Variants in CLEC4D observed in about 807,000 individuals in gnomAD.
CLEC4D encodes C-type lectin domain family 4 member D, also known as C-type (calcium dependent, carbohydrate-recognition domain) lectin, superfamily member 8.
Under a neutral mutation model 21.1 loss-of-function variants are expected in CLEC4D, and 21 were observed. The observed-to-expected ratio is 1.00, with a 90% CI of 0.71 to 1.43. CLEC4D has a LOEUF of 1.43. Ranked by LOEUF, CLEC4D falls within the 40% of genes most tolerant of loss-of-function variation. CLEC4D has a pLI of 0.00. For missense variants in CLEC4D, 289 were observed against 260.7 expected, an observed-to-expected ratio of 1.11 and a Z score of -0.75; for synonymous variants, 85 against 83.1, an observed-to-expected ratio of 1.02 and a Z score of -0.12.
At chr12:8,518,405 A>G (rs1180015009) in intron 3 of CLEC4D, 131 bp downstream of exon 3, 1 of 571,830 alleles carries the variant, frequency 1.7e-6, no homozygotes, top group East Asian at 2.9e-5. Context: ...ATCGGAGTAA[A>G]TAAGAATACC....
At chr12:8,519,443 G>A (rs981729754) in intron 4 of CLEC4D, among the ~76,000 whole-genome samples, 1 of 152,058 alleles carries the variant, frequency 6.6e-6, no homozygotes, top group East Asian at 1.9e-4. Context: ...TGTGCACAAC[G>A]AGATCATGGC....
Position 8,521,233 on chromosome 12 carries a change from A to G in CLEC4D, c.610A>G (p.Ser204Gly). The G allele has an allele frequency of 6.2e-7, 1 of 1,613,198 alleles. No homozygotes were observed. The highest frequency in any genetic ancestry group is 1.1e-5 in the South Asian group (1 of 90,996). Residue 204 changes from serine to glycine, a missense_variant, in exon 6 of 6, where the codon AGT becomes GGT. Ser to Gly is a moderately conservative substitution (Grantham distance 56). Transcript: ENST00000299665. ...WNDVPCNFEA[S>G]RICKIPGTTL... ...TGATGTTCCTTGTAACTTTGAAGCA[A>G]GTAGGATTTGTAAAATACCTGGAAC...
At chr12:8,530,742 G>C in the CLEC4D span, among the ~76,000 whole-genome samples, 4 of 152,012 alleles carry the variant, frequency 2.6e-5, no homozygotes, top group Non-Finnish European at 5.9e-5. Context: ...GAAAATAAAA[G>C]GGAATGTATG....
chr12:8,523,746 T>A (rs1284955008), downstream of CLEC4D, among the ~76,000 whole-genome samples: 2 of 152,074 alleles, frequency 1.3e-5, no homozygotes, highest in East Asian at 3.9e-4. Flanking sequence ...TGAATAGGAG[T>A]GGTGAGAGAG....
Position 8,521,320 on chromosome 12 carries a change from T to C in CLEC4D, c.*49T>C. The C allele has an allele frequency of 6.3e-7, 1 of 1,580,456 alleles. No individual in the cohort carries two copies. Among genetic ancestry groups the C allele is most frequent in the South Asian group, 1.2e-5 (1 of 86,194 alleles). On this transcript the variant is annotated 3_prime_UTR_variant, in exon 6 of 6. Coordinates refer to ENST00000299665, the MANE Select transcript of CLEC4D (RefSeq NM_080387.5). ...ATGGAAAGAGAAAAGAAAAACCAATTAGAATAAGGCAGAATGTACGTGCGT... is the reference window on the plus strand; with the variant it reads ...ATGGAAAGAGAAAAGAAAAACCAATCAGAATAAGGCAGAATGTACGTGCGT...
intron 2 of CLEC4D, among the ~76,000 whole-genome samples, chr12:8,515,698 G>T (rs1365139146): frequency 6.6e-6 from 1 of 151,980 alleles, no homozygotes; most frequent in Non-Finnish European, 1.5e-5. Context: ...TGGAAGAATT[G>T]TTCTCTCTCT....
intron 4 of CLEC4D, among the ~76,000 whole-genome samples, chr12:8,519,930 C>T (rs757476655): frequency 6.6e-6 from 1 of 152,232 alleles, no homozygotes; most frequent in Admixed American, 6.5e-5. Flanking sequence ...ACAAAACCTC[C>T]TAAAAAATCT....
downstream of CLEC4D, among the ~76,000 whole-genome samples, chr12:8,525,101 G>A (rs762897386): frequency 6.6e-6 from 1 of 152,170 alleles, no homozygotes; most frequent in Non-Finnish European, 1.5e-5. Context: ...CATTTGCTGA[G>A]AAGTGCTTTA....
downstream of CLEC4D, among the ~76,000 whole-genome samples, chr12:8,526,765 A>G (rs1940510284): frequency 6.6e-6 from 1 of 151,392 alleles, no homozygotes; most frequent in South Asian, 2.1e-4. Context: ...GAGAAGAGGC[A>G]CTCTTGTCTT....
the CLEC4D span, among the ~76,000 whole-genome samples, chr12:8,530,941 C>G: frequency 6.6e-6 from 1 of 152,220 alleles, no homozygotes; most frequent in African/African-American, 2.4e-5. Context: ...GACATATATG[C>G]TGACCCGCTC....
rs764122177 is a variant in CLEC4D, at chr12:8,513,686, A to G, written c.-47A>G. 1 of 904,522 alleles carries G rather than the reference A, an allele frequency of 1.1e-6. No homozygotes were observed. The highest frequency in any genetic ancestry group is 1.3e-5 in the South Asian group (1 of 75,554). 56.0% of individuals were successfully genotyped at this position (904,522 alleles called of 1,614,324 possible). ...ATATACTCTGGGGGAAAAAAAATAG[A>G]ACAAATTCTTGCCGTCCTGACCATT... On this transcript the variant is annotated 5_prime_UTR_variant, in exon 1 of 6. Transcript: ENST00000299665.
downstream of CLEC4D, among the ~76,000 whole-genome samples, chr12:8,524,167 T>C (rs1940488799): frequency 2.0e-5 from 3 of 152,090 alleles, no homozygotes; most frequent in South Asian, 6.2e-4. Flanking sequence ...TTTTTTTTGG[T>C]TGTGTCTCTT....
the CLEC4D span, among the ~76,000 whole-genome samples, chr12:8,528,093 T>C: frequency 2.0e-5 from 3 of 152,166 alleles, no homozygotes; most frequent in African/African-American, 7.2e-5. Context: ...TGCGGTTTTT[T>C]TCCGTGGGAG....
At chr12:8,529,081 A>C in the CLEC4D span, among the ~76,000 whole-genome samples, 1 of 152,218 alleles carries the variant, frequency 6.6e-6, no homozygotes, top group Non-Finnish European at 1.5e-5. Flanking sequence ...ATAATTTGAA[A>C]TAACCTTAAA....
intron 2 of CLEC4D, among the ~76,000 whole-genome samples, chr12:8,516,189 T>G (rs1011918372): frequency 6.6e-6 from 1 of 152,060 alleles, no homozygotes; most frequent in Non-Finnish European, 1.5e-5. Flanking sequence ...ATGGAGAATA[T>G]CCTCATGACC....
chr12:8,529,107 C>G, the CLEC4D span, among the ~76,000 whole-genome samples: 1 of 151,952 alleles, frequency 6.6e-6, no homozygotes, highest in African/African-American at 2.4e-5. Flanking sequence ...AAAATATTTT[C>G]TTTTTTAATA....
At chr12:8,527,044 A>G (rs1940512384), downstream of CLEC4D, among the ~76,000 whole-genome samples, 1 of 152,124 alleles carries the variant, frequency 6.6e-6, no homozygotes, top group African/African-American at 2.4e-5. Flanking sequence ...AGGAGGCTGG[A>G]GAGCAGCAAA....
chr12:8,516,303 C>A (rs946801491), intron 2 of CLEC4D, among the ~76,000 whole-genome samples: 2 of 151,920 alleles, frequency 1.3e-5, no homozygotes, highest in Non-Finnish European at 2.9e-5. Flanking sequence ...ACAAAACATA[C>A]CAGTAACAGT....
At chr12:8,525,502 T>C (rs1940499200), downstream of CLEC4D, among the ~76,000 whole-genome samples, 1 of 152,188 alleles carries the variant, frequency 6.6e-6, no homozygotes, top group South Asian at 2.1e-4. Flanking sequence ...GAGACTAAGA[T>C]TGCAACTCCT....
Sources: allele counts gnomAD v4.1 joint callset (sites outside exome capture counted in the v4.1 genomes callset), GRCh38; gene constraint gnomAD v4.1.1; transcripts MANE v1.5; gene names NCBI Gene and HGNC (gene_info 2026-07-23, HGNC 2026-07-21).